CFAP299: variants seen among roughly 807,000 people sequenced by gnomAD.
CFAP299 encodes the protein cilia and flagella associated protein 299, also known as cilia- and flagella-associated protein 299.
A neutral mutation model predicts 27.0 loss-of-function variants in CFAP299; 21 were observed. The observed-to-expected ratio is 0.78, with a 90% CI of 0.55 to 1.12. The LOEUF is 1.12. Ranked by LOEUF, CFAP299 falls within the 50% of genes most tolerant of loss-of-function variation. The pLI is 0.00. For missense variants in CFAP299, 310 were observed against 276.6 expected, an observed-to-expected ratio of 1.12 and a Z score of -0.86; for synonymous variants, 104 against 98.1, an observed-to-expected ratio of 1.06 and a Z score of -0.36.
At position 80,819,552 on chromosome 4, in the gene CFAP299, A is replaced by G. The variant is rs1729594544; in HGVS notation, c.334-50441A>G. On this transcript the variant is annotated intron_variant, in intron 3 of 5. Coordinates refer to ENST00000358105, the MANE Select transcript of CFAP299 (RefSeq NM_152770.3). ...TTTCTAGACAAGTAAAAGGAGGGGAAATGCTAACTGATGTGGAGGAATAAA... is the reference window on the plus strand; with the variant it reads ...TTTCTAGACAAGTAAAAGGAGGGGAGATGCTAACTGATGTGGAGGAATAAA... 2.0e-5 allele frequency among the ~76,000 whole-genome samples: 3 copies of G among 152,276 alleles called. No homozygotes were observed. In the South Asian group the frequency reaches 6.2e-4, roughly 32 times the overall value.
At chr4:80,470,549 A>T (rs760618471) in intron 2 of CFAP299, among the ~76,000 whole-genome samples, 2 of 152,190 alleles carry the variant, frequency 1.3e-5, no homozygotes, top group Non-Finnish European at 2.9e-5. Flanking sequence ...GAGTCACTAG[A>T]TGTGACTTAA....
At chr4:80,447,141 T>TTTTTG (rs1728669738) in intron 2 of CFAP299, among the ~76,000 whole-genome samples, 3 of 126,482 alleles carry the variant, frequency 2.4e-5, no homozygotes, top group Admixed American at 8.2e-5. Flanking sequence ...TTTTTTTTTT[T>TTTTTG]TTTTTTTTTT....
chr4:80,390,546 C>T (rs76394272), intron 2 of CFAP299, among the ~76,000 whole-genome samples: 331 of 21,552 alleles, frequency 0.015, 6 homozygotes, highest in East Asian at 0.07. Context: ...TGTATACACA[C>T]ATATATGTAT....
intron 2 of CFAP299, among the ~76,000 whole-genome samples, chr4:80,380,422 A>ATTTTTTT (rs10701207): frequency 1.0e-4 from 10 of 96,126 alleles, no homozygotes; most frequent in South Asian, 7.9e-4. Flanking sequence ...TGTGTCTCAC[A>ATTTTTTT]TTTTTTTTTT....
At chr4:80,553,878 A>AT (rs1734657347) in intron 2 of CFAP299, among the ~76,000 whole-genome samples, 1 of 152,082 alleles carries the variant, frequency 6.6e-6, no homozygotes, top group Non-Finnish European at 1.5e-5. Context: ...TTCCTTATAG[A>AT]TGCTGAATAT....
At chr4:80,768,329 C>G (rs2110082190) in intron 3 of CFAP299, among the ~76,000 whole-genome samples, 1 of 152,122 alleles carries the variant, frequency 6.6e-6, no homozygotes, top group South Asian at 2.1e-4. Context: ...AAATTGGTTA[C>G]CCTAAAGTCA....
chr4:80,809,874 G>T (rs1729055644), intron 3 of CFAP299, among the ~76,000 whole-genome samples: 1 of 151,954 alleles, frequency 6.6e-6, no homozygotes, highest in African/African-American at 2.4e-5. Context: ...CAATTTTTTG[G>T]GGGTTTGAAG....
chr4:80,608,072 T>G (rs375510015), intron 3 of CFAP299, among the ~76,000 whole-genome samples: 10 of 152,268 alleles, frequency 6.6e-5, no homozygotes, highest in African/African-American at 2.4e-4. Flanking sequence ...ACTTTACAAT[T>G]TTATATACAA....
chr4:80,658,404 C>T (rs1460849158), intron 3 of CFAP299, among the ~76,000 whole-genome samples: 1 of 152,042 alleles, frequency 6.6e-6, no homozygotes, highest in Non-Finnish European at 1.5e-5. Flanking sequence ...GAGGTACATT[C>T]CATCAATGCC....
upstream of CFAP299, among the ~76,000 whole-genome samples, chr4:80,331,413 T>G (rs569309385): frequency 6.6e-6 from 1 of 152,296 alleles, no homozygotes; most frequent in African/African-American, 2.4e-5. Flanking sequence ...AACTACATTT[T>G]GAAGAGTGGA....
intron 3 of CFAP299, among the ~76,000 whole-genome samples, chr4:80,705,599 T>C (rs1356672185): frequency 6.6e-6 from 1 of 151,732 alleles, no homozygotes; most frequent in Non-Finnish European, 1.5e-5. Flanking sequence ...GAGTAAGAGG[T>C]GTGGGAACAG....
At chr4:80,419,245 A>G (rs1340281626) in intron 2 of CFAP299, among the ~76,000 whole-genome samples, 2 of 152,168 alleles carry the variant, frequency 1.3e-5, no homozygotes, top group Non-Finnish European at 2.9e-5. Flanking sequence ...TTGAACTTTG[A>G]CTTGGGATTT....
At chr4:80,497,143 A>C (rs1731491431) in intron 2 of CFAP299, among the ~76,000 whole-genome samples, 1 of 152,108 alleles carries the variant, frequency 6.6e-6, no homozygotes, top group Non-Finnish European at 1.5e-5. Flanking sequence ...GGTGGCACAC[A>C]CCTGTAATCC....
intron 3 of CFAP299, among the ~76,000 whole-genome samples, chr4:80,725,616 C>T (rs890245590): frequency 1.3e-5 from 2 of 152,156 alleles, no homozygotes; most frequent in African/African-American, 4.8e-5. Context: ...AGGTCAGTTT[C>T]TCCAACAAAG....
chr4:80,751,098 G>A (rs1178132280), intron 3 of CFAP299, among the ~76,000 whole-genome samples: 1 of 152,262 alleles, frequency 6.6e-6, no homozygotes, highest in East Asian at 1.9e-4. Flanking sequence ...AACACACTCT[G>A]ACTTTTTGAG....
intron 4 of CFAP299, among the ~76,000 whole-genome samples, chr4:80,925,969 C>T (rs1350116010): frequency 1.3e-5 from 2 of 151,990 alleles, no homozygotes; most frequent in African/African-American, 4.8e-5. Context: ...TTAGTTTCTA[C>T]AGTAGATTAT....
chr4:80,542,163 C>T (rs1283896865), intron 2 of CFAP299, among the ~76,000 whole-genome samples: 3 of 152,130 alleles, frequency 2.0e-5, no homozygotes, highest in African/African-American at 7.2e-5. Flanking sequence ...AGCAGCCTCC[C>T]AGCGGCTCTC....
At chr4:80,488,767 C>T (rs914881021) in intron 2 of CFAP299, among the ~76,000 whole-genome samples, 1 of 152,200 alleles carries the variant, frequency 6.6e-6, no homozygotes, top group Admixed American at 6.5e-5. Context: ...TGAGCCACCG[C>T]ACCCGGCCGG....
chr4:80,852,903 CG>C (rs1206905365), intron 3 of CFAP299, among the ~76,000 whole-genome samples: 1 of 152,162 alleles, frequency 6.6e-6, no homozygotes, highest in African/African-American at 2.4e-5. Context: ...AGTTGTTGAG[CG>C]GCCAGTATGT....
Sources: gnomAD v4.1 joint callset for allele counts (sites outside exome capture counted in the v4.1 genomes callset) on GRCh38, gnomAD v4.1.1 for gene constraint, MANE v1.5 for transcripts, NCBI Gene and HGNC (gene_info 2026-07-23, HGNC 2026-07-21) for gene names.